RNF216: variants seen among roughly 807,000 people sequenced by gnomAD.
The protein encoded by RNF216 is E3 ubiquitin-protein ligase RNF216.
RNF216 carries 72 observed loss-of-function variants against 110.8 expected under a neutral mutation model. The observed-to-expected ratio is 0.65, with a 90% CI of 0.54 to 0.79. RNF216 has a LOEUF of 0.79. RNF216 is among the 30% of genes least tolerant of loss of function. The pLI, the probability that RNF216 is intolerant of heterozygous loss-of-function variation, is 0.00. For missense variants in RNF216, 1,342 were observed against 1,141.2 expected, an observed-to-expected ratio of 1.18 and a Z score of -2.54; for synonymous variants, 495 against 407.5, an observed-to-expected ratio of 1.21 and a Z score of -2.59.
intron 14 of RNF216, among the ~76,000 whole-genome samples, chr7:5,646,226 G>T (rs187513660): frequency 6.6e-6 from 1 of 152,008 alleles, no homozygotes; most frequent in East Asian, 1.9e-4. Context: ...TAAATTAGCC[G>T]GGCATGGTGG....
intron 13 of RNF216, among the ~76,000 whole-genome samples, chr7:5,679,357 T>C (rs1346890781): frequency 1.3e-5 from 2 of 152,182 alleles, no homozygotes; most frequent in Non-Finnish European, 2.9e-5. Context: ...CCTTCAGCCC[T>C]AGAATGGTGC....
At chr7:5,666,660 C>G (rs1363255898) in intron 13 of RNF216, 1 of 152,214 alleles carries the variant, frequency 6.6e-6, no homozygotes, top group East Asian at 1.9e-4. Context: ...AGCTGCGCCT[C>G]TGAAGGTGGG....
At chr7:5,663,350 G>A (rs761762184) in intron 13 of RNF216, among the ~76,000 whole-genome samples, 30 of 152,082 alleles carry the variant, frequency 2.0e-4, no homozygotes, top group Admixed American at 5.9e-4. Context: ...GGAGGCCGAG[G>A]CAGGTGGATC....
At chr7:5,750,608 C>T (rs11763027) in intron 3 of RNF216, among the ~76,000 whole-genome samples, 149,097 of 152,354 alleles carry the variant, frequency 0.98, 72,972 homozygotes, top group Middle Eastern at 0.99. Context: ...GACAAATCTA[C>T]GCAAATCGCA....
chr7:5,729,292 C>CTTTGCT (rs1793944574), intron 7 of RNF216, 140 bp downstream of exon 7: 1 of 730,828 alleles, frequency 1.4e-6, no homozygotes, highest in Non-Finnish European at 2.4e-6. Context: ...GAGCAAATAC[C>CTTTGCT]CATCTATTTA....
At chr7:5,764,050 A>G (rs536074316) in intron 1 of RNF216, among the ~76,000 whole-genome samples, 19 of 151,302 alleles carry the variant, frequency 1.3e-4, no homozygotes, top group African/African-American at 4.1e-4. Flanking sequence ...AATTATCCAG[A>G]TGTGGTGGCA....
chr7:5,754,988 A>G (rs1795543300), intron 2 of RNF216, among the ~76,000 whole-genome samples: 1 of 148,440 alleles, frequency 6.7e-6, no homozygotes, highest in Admixed American at 6.8e-5. Context: ...AGATCATGCC[A>G]CTGCACTCCA....
intron 13 of RNF216, among the ~76,000 whole-genome samples, chr7:5,675,047 G>T (rs1036889014): frequency 6.6e-6 from 1 of 152,140 alleles, no homozygotes; most frequent in Admixed American, 6.6e-5. Context: ...TGTCGGTACA[G>T]AATGGCAACT....
intron 7 of RNF216, among the ~76,000 whole-genome samples, chr7:5,727,094 G>C (rs1386445327): frequency 6.6e-6 from 1 of 152,148 alleles, no homozygotes; most frequent in Non-Finnish European, 1.5e-5. Context: ...GGGCAGGCTG[G>C]GGTCCCAGTC....
chr7:5,695,697 C>T (rs1791583328), intron 13 of RNF216, among the ~76,000 whole-genome samples: 1 of 152,156 alleles, frequency 6.6e-6, no homozygotes, highest in Admixed American at 6.5e-5. Flanking sequence ...TAGTGTTCTC[C>T]CCTAGTCATC....
intron 4 of RNF216, among the ~76,000 whole-genome samples, chr7:5,740,360 T>C (rs1034716804): frequency 7.2e-5 from 11 of 152,118 alleles, no homozygotes; most frequent in African/African-American, 2.7e-4. Flanking sequence ...TATCCTGATC[T>C]TGTGATCCAC....
chr7:5,699,670 T>G (rs1467143773), intron 13 of RNF216, among the ~76,000 whole-genome samples: 1 of 152,244 alleles, frequency 6.6e-6, no homozygotes, highest in Non-Finnish European at 1.5e-5. Context: ...AACTGTTATT[T>G]AGTTTCAGAA....
chr7:5,640,044 C>T (rs1787640134), intron 15 of RNF216, among the ~76,000 whole-genome samples: 1 of 151,880 alleles, frequency 6.6e-6, no homozygotes. Flanking sequence ...CAGGCGTGAG[C>T]CACCGCGCCC....
rs1235594756 is a variant in RNF216 at position 5,624,271 on chromosome 7, G to A, written c.2383-146C>T. 1.2e-5 allele frequency: 8 copies of A among 649,962 alleles called. No homozygotes were observed. Among genetic ancestry groups the A allele is most frequent in the African/African-American group, 5.5e-5 (3 of 54,822 alleles). 40.3% of individuals were successfully genotyped at this position (649,962 alleles called of 1,614,324 possible). ...GCCAGTGGGGCCTGGGCTGCACACC[G>A]TTCCTTCCTATTTCCCCGAAGGCCT... On this transcript the variant is annotated intron_variant, in intron 15 of 16. Coordinates refer to ENST00000389902, the MANE Select transcript of RNF216 (RefSeq NM_207111.4). The surrounding 1 kb of genome is among the most constrained non-coding windows in gnomAD (Gnocchi z 4.4).
intron 3 of RNF216, among the ~76,000 whole-genome samples, chr7:5,747,876 T>C (rs1327921955): frequency 6.6e-6 from 1 of 150,872 alleles, no homozygotes; most frequent in Non-Finnish European, 1.5e-5. Context: ...ATTCCTGAGC[T>C]CAAGTGATCC....
intron 5 of RNF216, among the ~76,000 whole-genome samples, chr7:5,737,068 G>C (rs1393498549): frequency 6.6e-6 from 1 of 152,276 alleles, no homozygotes; most frequent in African/African-American, 2.4e-5. Flanking sequence ...GATGACAGCT[G>C]TGTCGAATAG....
At chr7:5,654,075 G>A (rs1788576452) in intron 13 of RNF216, among the ~76,000 whole-genome samples, 1 of 152,148 alleles carries the variant, frequency 6.6e-6, no homozygotes, top group African/African-American at 2.4e-5. Flanking sequence ...ATTCTGGGTG[G>A]AAAACACTGG....
chr7:5,754,858 T>C (rs1795534927), intron 2 of RNF216, among the ~76,000 whole-genome samples: 2 of 151,904 alleles, frequency 1.3e-5, no homozygotes, highest in Admixed American at 6.6e-5. Flanking sequence ...TAAAACCCCA[T>C]CTCTACTACA....
chr7:5,626,063 A>G (rs1043866294), intron 15 of RNF216, among the ~76,000 whole-genome samples: 1 of 152,194 alleles, frequency 6.6e-6, no homozygotes, highest in Admixed American at 6.5e-5. Context: ...TCAAGTTCCC[A>G]TCATGCATTT....
Sources: gnomAD v4.1 joint callset for allele counts (sites outside exome capture counted in the v4.1 genomes callset) on GRCh38, gnomAD v4.1.1 for gene constraint, Gnocchi (gnomAD v3.1) non-coding constraint, MANE v1.5 for transcripts, NCBI Gene and HGNC (gene_info 2026-07-23, HGNC 2026-07-21) for gene names.